Variants in LIG1 observed in about 807,000 individuals in gnomAD.
LIG1 encodes the protein DNA ligase 1.
A neutral mutation model predicts 115.7 loss-of-function variants in LIG1; 70 were observed. The ratio of observed to expected loss-of-function variants is 0.60; its 90% CI spans 0.50 to 0.74. The LOEUF (loss-of-function observed/expected upper bound fraction) is 0.74, where lower values mean the gene tolerates loss of function less well. LIG1 is among the 30% of genes least tolerant of loss of function. LIG1 has a pLI of 0.00. For missense variants in LIG1, 1,115 were observed against 1,225.6 expected (o/e 0.91, Z 1.35); for synonymous variants, 487 against 495.3 (o/e 0.98, Z 0.22).
In LIG1 at chr19:48,121,298, C is replaced by G; in HGVS notation, c.2257G>C (p.Val753Leu). The G allele has an allele frequency of 6.2e-7, 1 of 1,608,958 alleles. No homozygotes were observed. ...ACCACCAGGTCCAGGGTGTCACCCA[C>G]GCCATCAAGGTAGTCCTTCTTCAGC... ...LKLKKDYLDGVGDTLDLVVIG... is the reference protein window; with the variant it reads ...LKLKKDYLDGLGDTLDLVVIG... Residue 753 changes from valine (V) to leucine (L), a missense_variant, in exon 24 of 28, where the codon GTG (valine) becomes CTG (leucine). By Grantham distance (32) the Val-to-Leu change is conservative. Coordinates refer to ENST00000263274, the MANE Select transcript of LIG1 (RefSeq NM_000234.3).
At chr19:48,125,491 T>C (rs2033603983) in intron 21 of LIG1, among the ~76,000 whole-genome samples, 1 of 148,820 alleles carries the variant, frequency 6.7e-6, no homozygotes, top group Non-Finnish European at 1.5e-5. Context: ...GAAGGACAGA[T>C]GGGCCTAACG....
In LIG1 at chr19:48,115,679, G is replaced by C; in HGVS notation, c.2730C>G (p.Asp910Glu). Residue 910 changes from aspartate (D) to glutamate (E), a missense_variant, in exon 28 of 28, where the codon GAC becomes GAG. Asp to Glu is a conservative substitution (Grantham distance 45, BLOSUM62 2). Transcript: ENST00000263274. ...AGGTATCTTCAGGGTCAGAGCCTGA[G>C]TCCTCGCCTTGTTGGTTCTGAATCT... ...QSQIQNQQGE[D>E]SGSDPEDTY 2 of 1,614,184 alleles carry C rather than the reference G, an allele frequency of 1.2e-6. No homozygotes were observed. Among genetic ancestry groups the C allele is most frequent in the Admixed American group, 1.7e-5 (1 of 60,026 alleles).
At chr19:48,138,862 C>T (rs1472981147) in intron 12 of LIG1, among the ~76,000 whole-genome samples, 5 of 152,202 alleles carry the variant, frequency 3.3e-5, no homozygotes, top group Admixed American at 6.5e-5. Context: ...TCTGGTATGA[C>T]GTCAGTGCTC....
At chr19:48,162,433 C>A in intron 2 of LIG1, 82 bp from the exon 3 acceptor site, 1 of 632,034 alleles carries the variant, frequency 1.6e-6, no homozygotes, top group Non-Finnish European at 2.6e-6. Context: ...CTATAACTTC[C>A]TTTTTTTTTT....
chr19:48,135,404 G>A (rs2122597691), intron 16 of LIG1, among the ~76,000 whole-genome samples: 1 of 152,322 alleles, frequency 6.6e-6, no homozygotes, highest in Middle Eastern at 3.4e-3. Flanking sequence ...TTACAGGCGT[G>A]AGCCACTGTG....
rs764106045 is a variant in LIG1, at chr19:48,117,682, C to T, written c.2539G>A (p.Ala847Thr). ...TAGATGGGAGAGAGGGAGAGGTCAG[C>T]GCACTTCACCTCCCACACAGCGCTG... ...DPSAVWEVKC[A>T]DLSLSPIYPA... The change falls in exon 26 of 28, where the codon GCT (alanine) becomes ACT (threonine). Residue 847 changes from alanine (A) to threonine (T), a missense_variant. Coordinates refer to ENST00000263274, the MANE Select transcript of LIG1 (RefSeq NM_000234.3). The T allele has an allele frequency of 3.1e-6, 5 of 1,612,308 alleles. No individual in the cohort carries two copies. The African/African-American group carries it at 5.3e-5, about 17-fold the overall frequency.
intron 21 of LIG1, among the ~76,000 whole-genome samples, chr19:48,124,884 G>A (rs1007957795): frequency 6.6e-6 from 1 of 151,954 alleles, no homozygotes; most frequent in African/African-American, 2.4e-5. Flanking sequence ...GTGTGGTGGT[G>A]GGTGCCTGTA....
intron 11 of LIG1, among the ~76,000 whole-genome samples, chr19:48,142,672 C>T (rs1382573469): frequency 6.6e-6 from 1 of 152,078 alleles, no homozygotes. Flanking sequence ...GAGACAGAGT[C>T]TCACTCTGTC....
At chr19:48,123,817 C>G (rs982526322) in intron 21 of LIG1, among the ~76,000 whole-genome samples, 1 of 149,700 alleles carries the variant, frequency 6.7e-6, no homozygotes, top group South Asian at 2.1e-4. Context: ...GGATTACAGG[C>G]GTGAGCCACT....
Position 48,138,694 on chromosome 19 carries a change from G to A in LIG1, c.1088-1006C>T, listed in dbSNP as rs200690666. Reference sequence around the variant, plus strand: ...ATCAAGGGTGGAGGCATGAGACAGTGGAAGAGGCCCCAGCTGCCATGGATT... The same window carrying A: ...ATCAAGGGTGGAGGCATGAGACAGTAGAAGAGGCCCCAGCTGCCATGGATT... On this transcript the variant is annotated intron_variant, in intron 12 of 27. Transcript: ENST00000263274. Among the ~76,000 whole-genome samples, 5 of 152,336 alleles carry A rather than the reference G, an allele frequency of 3.3e-5. No homozygotes were observed. In the East Asian group the frequency reaches 7.7e-4, roughly 24 times the overall value.
intron 9 of LIG1, among the ~76,000 whole-genome samples, chr19:48,145,674 G>A (rs1225380061): frequency 6.6e-6 from 1 of 152,154 alleles, no homozygotes; most frequent in Non-Finnish European, 1.5e-5. Context: ...GAGTGTGGTG[G>A]GCAGGGGAGT....
At chr19:48,142,768 T>A (rs1195904488) in intron 11 of LIG1, among the ~76,000 whole-genome samples, 2 of 152,100 alleles carry the variant, frequency 1.3e-5, no homozygotes, top group Admixed American at 6.5e-5. Flanking sequence ...CTCAGCCTCC[T>A]GAGTAGCCGG....
At chr19:48,162,507 C>T (rs2036241746) in intron 2 of LIG1, among the ~76,000 whole-genome samples, 156 bp from the exon 3 acceptor site, 1 of 150,476 alleles carries the variant, frequency 6.6e-6, no homozygotes, top group Admixed American at 6.6e-5. Flanking sequence ...AATCTCAGCT[C>T]ACTGCAAGCT....
chr19:48,154,444 G>A (rs1205205985), intron 5 of LIG1: 3 of 236,994 alleles, frequency 1.3e-5, no homozygotes, highest in East Asian at 9.5e-5. Flanking sequence ...CTCGCATCTC[G>A]GGGGTCACTC....
intron 11 of LIG1, among the ~76,000 whole-genome samples, 188 bp downstream of exon 11, chr19:48,143,355 A>G (rs1962555344): frequency 6.6e-6 from 1 of 152,164 alleles, no homozygotes; most frequent in African/African-American, 2.4e-5. Flanking sequence ...GACCATGAGA[A>G]TGAGGCAGAA....
At position 48,115,641 on chromosome 19, in the gene LIG1, G is replaced by A. The variant is rs2032740138; in HGVS notation, c.*8C>T. ...TGCCCTGTACCCAGGCCCTAGGAGGGCGAGGGCTTAGTAGGTATCTTCAGG... is the reference window on the plus strand; with the variant it reads ...TGCCCTGTACCCAGGCCCTAGGAGGACGAGGGCTTAGTAGGTATCTTCAGG... On this transcript the variant is annotated 3_prime_UTR_variant, in exon 28 of 28. Coordinates refer to ENST00000263274, the MANE Select transcript of LIG1 (RefSeq NM_000234.3). 1 of 1,603,852 alleles carries A rather than the reference G, an allele frequency of 6.2e-7. No homozygotes were observed. Among genetic ancestry groups the A allele is most frequent in the Non-Finnish European group, 8.5e-7 (1 of 1,170,640 alleles).
At chr19:48,156,069 G>A (rs2035815269) in intron 5 of LIG1, among the ~76,000 whole-genome samples, 1 of 152,078 alleles carries the variant, frequency 6.6e-6, no homozygotes, top group Admixed American at 6.5e-5. Flanking sequence ...AACATTCCAA[G>A]TCCCCCTTAG....
chr19:48,123,066 G>A (rs369719038), intron 22 of LIG1, 50 bp from the exon 23 acceptor site: 26 of 1,610,400 alleles, frequency 1.6e-5, no homozygotes, highest in African/African-American at 8.0e-5. Context: ...GCTCACAAGC[G>A]CCGGAGCAGG....
intron 21 of LIG1, chr19:48,127,066 T>G: frequency 1.7e-6 from 1 of 576,210 alleles, no homozygotes; most frequent in Non-Finnish European, 3.1e-6. Context: ...CAATGTGGAG[T>G]TGGAAAGAGA....
Sources: allele counts gnomAD v4.1 joint callset (sites outside exome capture counted in the v4.1 genomes callset), GRCh38; gene constraint gnomAD v4.1.1; transcripts MANE v1.5; gene names NCBI Gene and HGNC (gene_info 2026-07-23, HGNC 2026-07-21).